Variants in MTSS1 observed in about 807,000 individuals in gnomAD.
MTSS1 encodes the protein protein MTSS 1.
A neutral mutation model predicts 79.0 loss-of-function variants in MTSS1; 18 were observed. The ratio of observed to expected loss-of-function variants is 0.23; its 90% confidence interval spans 0.16 to 0.34. The LOEUF is 0.34. Ranked by LOEUF, MTSS1 falls within the 10% of genes least tolerant of loss-of-function variation. The pLI is 1.00. For synonymous variants in MTSS1, 341 were observed against 368.6 expected (o/e 0.93, Z 0.86); for missense variants, 815 against 986.2 (o/e 0.83, Z 2.33).
At chr8:124,690,298 C>T (rs765277687) in intron 3 of MTSS1, among the ~76,000 whole-genome samples, 2 of 152,150 alleles carry the variant, frequency 1.3e-5, no homozygotes, top group Non-Finnish European at 2.9e-5. Flanking sequence ...TGGGGAAACC[C>T]CATTGAATGG....
At chr8:124,558,103 A>G in intron 10 of MTSS1, 1 of 464,540 alleles carries the variant, frequency 2.2e-6, no homozygotes, top group Non-Finnish European at 3.8e-6. Context: ...TCTATGTTTG[A>G]CCTACGTTTT....
At chr8:124,566,602 C>T (rs1262682942) in intron 8 of MTSS1, among the ~76,000 whole-genome samples, 1 of 152,172 alleles carries the variant, frequency 6.6e-6, no homozygotes, top group Non-Finnish European at 1.5e-5. Flanking sequence ...CCATGCATTG[C>T]TCAATTAGAA....
chr8:124,638,630 G>A (rs145870838), intron 3 of MTSS1, among the ~76,000 whole-genome samples: 4 of 152,276 alleles, frequency 2.6e-5, no homozygotes, highest in East Asian at 3.9e-4. Context: ...AGTTCTCCCC[G>A]GAGAATAGAA....
intron 2 of MTSS1, among the ~76,000 whole-genome samples, chr8:124,701,635 A>G (rs556068860): frequency 6.6e-6 from 1 of 152,322 alleles, no homozygotes; most frequent in African/African-American, 2.4e-5. Context: ...CAATCATCCA[A>G]ATTTAATGAA....
At chr8:124,675,727 A>G (rs542063691) in intron 3 of MTSS1, among the ~76,000 whole-genome samples, 73 of 152,332 alleles carry the variant, frequency 4.8e-4, no homozygotes, top group African/African-American at 1.5e-3. Flanking sequence ...TATCCTGAGC[A>G]TTCCCCATAA....
chr8:124,563,378 T>C (rs10110655), intron 9 of MTSS1: 95,793 of 256,270 alleles, frequency 0.37, 19,547 homozygotes, highest in Non-Finnish European at 0.46. Context: ...AGGGACAGGG[T>C]TAATCTGCCT....
chr8:124,721,442 A>C (rs1367110917), intron 1 of MTSS1, among the ~76,000 whole-genome samples: 2 of 107,098 alleles, frequency 1.9e-5, no homozygotes, highest in African/African-American at 7.1e-5. Context: ...ACAGAGTCTC[A>C]TTCTGTCGCC....
chr8:124,580,570 G>A, intron 6 of MTSS1: 4 of 1,535,904 alleles, frequency 2.6e-6, no homozygotes, highest in East Asian at 2.4e-5. Flanking sequence ...CCACTGGCGG[G>A]GGGGCACACG....
intron 3 of MTSS1, among the ~76,000 whole-genome samples, chr8:124,607,135 C>T (rs1835013458): frequency 6.6e-6 from 1 of 152,230 alleles, no homozygotes; most frequent in African/African-American, 2.4e-5. Context: ...CCAAGCTTCG[C>T]GTTCTACGCT....
intron 3 of MTSS1, among the ~76,000 whole-genome samples, chr8:124,635,142 A>G (rs185933559): frequency 6.6e-6 from 1 of 152,168 alleles, no homozygotes; most frequent in Non-Finnish European, 1.5e-5. Context: ...CCCTCCAAAC[A>G]TCACTTCCTT....
intron 3 of MTSS1, among the ~76,000 whole-genome samples, chr8:124,646,149 C>G (rs141540682): frequency 1.7e-3 from 259 of 152,306 alleles, no homozygotes; most frequent in African/African-American, 6.0e-3. Context: ...TTTGGGAAAC[C>G]AGGAATCAAA....
At chr8:124,649,641 A>G (rs1007184317) in intron 3 of MTSS1, among the ~76,000 whole-genome samples, 2 of 152,152 alleles carry the variant, frequency 1.3e-5, no homozygotes, top group African/African-American at 4.8e-5. Flanking sequence ...CTGTTACTCA[A>G]GAAAGAACAC....
At chr8:124,674,929 C>T (rs1972757) in intron 3 of MTSS1, among the ~76,000 whole-genome samples, 18,646 of 152,108 alleles carry the variant, frequency 0.12, 1,615 homozygotes, top group Admixed American at 0.26. Context: ...ACCATGTTGG[C>T]CTGGCTGGTC....
intron 1 of MTSS1, among the ~76,000 whole-genome samples, chr8:124,708,934 GA>G (rs61708544): frequency 0.019 from 2,558 of 135,542 alleles, 61 homozygotes; most frequent in African/African-American, 0.061. Flanking sequence ...GTTGAGAAAT[GA>G]AAAAAAAAAA....
intron 3 of MTSS1, among the ~76,000 whole-genome samples, chr8:124,659,524 G>A (rs16899933): frequency 0.036 from 5,546 of 152,236 alleles, 125 homozygotes; most frequent in South Asian, 0.084. Context: ...ATCACATGGC[G>A]CTGCTCAGCT....
intron 3 of MTSS1, among the ~76,000 whole-genome samples, chr8:124,690,863 T>C (rs1225423056): frequency 6.6e-6 from 1 of 152,214 alleles, no homozygotes; most frequent in African/African-American, 2.4e-5. Flanking sequence ...TTTTTTTAAA[T>C]TTATAAAATA....
intron 3 of MTSS1, among the ~76,000 whole-genome samples, chr8:124,652,064 C>T (rs1820060755): frequency 6.6e-6 from 1 of 152,234 alleles, no homozygotes; most frequent in African/African-American, 2.4e-5. Flanking sequence ...TCAACCACCC[C>T]AGGGGTTCCC....
chr8:124,699,720 C>T (rs768145909), intron 2 of MTSS1, 121 bp from the exon 3 acceptor site: 14 of 866,906 alleles, frequency 1.6e-5, no homozygotes, highest in Non-Finnish European at 2.6e-5. Context: ...AATAACTCAA[C>T]TGAGCATGGA....
At chr8:124,618,453 C>T (rs927418574) in intron 3 of MTSS1, among the ~76,000 whole-genome samples, 2 of 152,232 alleles carry the variant, frequency 1.3e-5, no homozygotes, top group Non-Finnish European at 2.9e-5. Context: ...TTCAACAGGG[C>T]AGGGTCTGTG....
Sources: allele counts gnomAD v4.1 joint callset (sites outside exome capture counted in the v4.1 genomes callset), GRCh38; gene constraint gnomAD v4.1.1; transcripts MANE v1.5; gene names NCBI Gene and HGNC (gene_info 2026-07-23, HGNC 2026-07-21).